Variants in NAALADL2 observed in about 807,000 individuals in gnomAD.
NAALADL2 encodes the protein inactive N-acetylated-alpha-linked acidic dipeptidase-like protein 2.
Under a neutral mutation model 87.2 loss-of-function variants are expected in NAALADL2, and 76 were observed. The ratio of observed to expected loss-of-function variants is 0.87; its 90% CI spans 0.72 to 1.05. The LOEUF is 1.05. Among genes scored for constraint, NAALADL2 ranks in the 50% least tolerant of loss-of-function variants. NAALADL2 has a pLI of 0.00. For synonymous variants in NAALADL2, 354 were observed against 331.0 expected (o/e 1.07, Z -0.75); for missense variants, 1,089 against 945.8 (o/e 1.15, Z -1.99).
chr3:175,041,671 C>T (rs1452610547), intron 1 of NAALADL2, among the ~76,000 whole-genome samples: 1 of 152,076 alleles, frequency 6.6e-6, no homozygotes, highest in African/African-American at 2.4e-5. Flanking sequence ...CCCGTCATTC[C>T]TTCTATGCTT....
At chr3:174,787,159 C>G (rs1023498019) in intron 3 of NAALADL2, among the ~76,000 whole-genome samples, 1 of 151,844 alleles carries the variant, frequency 6.6e-6, no homozygotes, top group East Asian at 1.9e-4. Flanking sequence ...ATGACAACAT[C>G]TTTGGGGGTT....
At chr3:175,737,176 T>A in intron 11 of NAALADL2, 130 bp from the exon 12 acceptor site, 1 of 568,870 alleles carries the variant, frequency 1.8e-6, no homozygotes, top group Non-Finnish European at 3.1e-6. Flanking sequence ...AGAGATTTTA[T>A]AAAACTATAT....
intron 11 of NAALADL2, among the ~76,000 whole-genome samples, chr3:175,731,615 G>C (rs1045411319): frequency 6.6e-6 from 1 of 152,170 alleles, no homozygotes; most frequent in African/African-American, 2.4e-5. Flanking sequence ...TCTCTGTGCT[G>C]CATGACAAGG....
chr3:175,178,316 C>A (rs1735984764), intron 2 of NAALADL2, among the ~76,000 whole-genome samples: 1 of 151,966 alleles, frequency 6.6e-6, no homozygotes, highest in South Asian at 2.1e-4. Flanking sequence ...AATTTTGAAT[C>A]ATCATTTCTT....
chr3:175,644,529 C>CTACACTACA lies in NAALADL2; in HGVS notation c.1896+17146_1896+17154dup, dbSNP rs199998717. Among the ~76,000 whole-genome samples the CTACACTACA allele has an allele frequency of 4.1e-3, 627 of 152,144 alleles. 3 individuals carry two copies. Among genetic ancestry groups the CTACACTACA allele is most frequent in the African/African-American group, 0.014 (587 of 41,506 alleles). ...CTTTCTCAATGGTTATGCAATAAAG[C>CTACACTACA]TACACTACATATCAAGATGATGTAG... On this transcript the variant is annotated intron_variant, in intron 11 of 13. Coordinates refer to ENST00000454872, the MANE Select transcript of NAALADL2 (RefSeq NM_207015.3).
At chr3:175,406,904 G>A (rs1315511793) in intron 5 of NAALADL2, among the ~76,000 whole-genome samples, 1 of 151,956 alleles carries the variant, frequency 6.6e-6, no homozygotes, top group Non-Finnish European at 1.5e-5. Flanking sequence ...GTGTCGGCCG[G>A]GCGCTGTGGC....
chr3:174,533,744 C>G (rs1248993083), intron 1 of NAALADL2, among the ~76,000 whole-genome samples: 1 of 151,944 alleles, frequency 6.6e-6, no homozygotes, highest in Non-Finnish European at 1.5e-5. Context: ...AATCTCATTC[C>G]AACTGTGTAG....
chr3:175,181,703 A>ATGTG (rs1553802433), intron 2 of NAALADL2, among the ~76,000 whole-genome samples: 1 of 106,844 alleles, frequency 9.4e-6, no homozygotes, highest in Non-Finnish European at 1.8e-5. Flanking sequence ...ATATATATAT[A>ATGTG]TGTGTGTGTG....
rs1018533832 is a variant in NAALADL2, at chr3:175,403,824, G to A, written c.1091-43405G>A. The stretch of plus-strand genomic sequence containing the variant: ...TTGTGCAGAATTTCTAAACTCGCAC[G>A]GCATTAGAACTGAATCAGCATTAGA... On this transcript the variant is annotated intron_variant, in intron 5 of 13. Coordinates refer to ENST00000454872, the MANE Select transcript of NAALADL2 (RefSeq NM_207015.3). 2.6e-5 allele frequency among the ~76,000 whole-genome samples: 4 copies of A among 152,008 alleles called. No homozygotes were observed. The East Asian group carries it at 5.8e-4, about 22-fold the overall frequency.
chr3:174,463,693 C>T (rs1461455834), intron 1 of NAALADL2, among the ~76,000 whole-genome samples: 31 of 151,276 alleles, frequency 2.0e-4, no homozygotes, highest in Admixed American at 1.6e-3. Flanking sequence ...CTCTGCCTCC[C>T]GAGTTCACGC....
chr3:175,547,362 T>C (rs972133754), intron 9 of NAALADL2, among the ~76,000 whole-genome samples: 2 of 152,008 alleles, frequency 1.3e-5, no homozygotes, highest in African/African-American at 2.4e-5. Context: ...TGGCTAGCCA[T>C]ATGCAGAAGA....
chr3:175,646,498 T>C (rs190441934), intron 11 of NAALADL2, among the ~76,000 whole-genome samples: 1 of 152,048 alleles, frequency 6.6e-6, no homozygotes, highest in Non-Finnish European at 1.5e-5. Context: ...ATGTAGTCAT[T>C]TTTTTCTTTT....
chr3:175,067,317 A>G (rs986593350), intron 1 of NAALADL2, among the ~76,000 whole-genome samples: 1 of 151,982 alleles, frequency 6.6e-6, no homozygotes, highest in Non-Finnish European at 1.5e-5. Flanking sequence ...AGCCTACAGA[A>G]TGGGAGAATG....
At chr3:175,450,522 T>A (rs2149233615) in intron 6 of NAALADL2, among the ~76,000 whole-genome samples, 1 of 152,234 alleles carries the variant, frequency 6.6e-6, no homozygotes, top group East Asian at 1.9e-4. Context: ...CAGGCAAAAA[T>A]GTAATAGAAT....
chr3:174,775,998 C>G (rs1715169249), intron 3 of NAALADL2, among the ~76,000 whole-genome samples: 1 of 152,096 alleles, frequency 6.6e-6, no homozygotes, highest in Non-Finnish European at 1.5e-5. Flanking sequence ...CCTACTATTG[C>G]ATATTTATTT....
chr3:174,896,115 C>T (rs73045501), intron 1 of NAALADL2, among the ~76,000 whole-genome samples: 24,693 of 151,970 alleles, frequency 0.16, 3,108 homozygotes, highest in African/African-American at 0.35. Flanking sequence ...CCACTAAAAC[C>T]GGAACAAGCC....
chr3:174,672,177 CT>C (rs962930158), intron 2 of NAALADL2, among the ~76,000 whole-genome samples: 1 of 152,000 alleles, frequency 6.6e-6, no homozygotes, highest in Non-Finnish European at 1.5e-5. Flanking sequence ...TCAATGTTTA[CT>C]TTTTTTCTTT....
At position 175,471,774 on chromosome 3, in the gene NAALADL2, A is replaced by G. The variant is rs919462804; in HGVS notation, c.1653+16A>G. 2 of 1,580,856 alleles carry G rather than the reference A, an allele frequency of 1.3e-6. No homozygotes were observed. Among genetic ancestry groups the G allele is most frequent in the Non-Finnish European group, 1.7e-6 (2 of 1,168,268 alleles). Reference sequence around the variant, plus strand: ...GGTAGTAGAGGTAAGACAAACCACTATTGTATCAAATGATTATGCAAAACC... The same window carrying G: ...GGTAGTAGAGGTAAGACAAACCACTGTTGTATCAAATGATTATGCAAAACC... On this transcript the variant is annotated intron_variant, in intron 9 of 13. Transcript: ENST00000454872.
chr3:175,589,681 C>A (rs1031357729), intron 10 of NAALADL2, among the ~76,000 whole-genome samples: 2 of 151,608 alleles, frequency 1.3e-5, no homozygotes, highest in East Asian at 1.9e-4. Flanking sequence ...TTATAAGAAA[C>A]CTTTTGTTGA....
Sources: gnomAD v4.1 joint callset for allele counts (sites outside exome capture counted in the v4.1 genomes callset) on GRCh38, gnomAD v4.1.1 for gene constraint, MANE v1.5 for transcripts, NCBI Gene and HGNC (gene_info 2026-07-23, HGNC 2026-07-21) for gene names.